The following FAM81A variants were observed in gnomAD, a reference collection of about 807,000 sequenced individuals.
FAM81A encodes the protein family with sequence similarity 81 member A.
A neutral mutation model predicts 46.7 loss-of-function variants in FAM81A; 19 were observed. The ratio of observed to expected loss-of-function variants is 0.41; its 90% CI spans 0.28 to 0.60. The LOEUF (loss-of-function observed/expected upper bound fraction) is 0.60, where lower values mean the gene tolerates loss of function less well. Among genes scored for constraint, FAM81A ranks in the 20% least tolerant of loss-of-function variants. The pLI is 0.34. For missense variants in FAM81A, 377 were observed against 453.5 expected (o/e 0.83, Z 1.53); for synonymous variants, 183 against 152.9 (o/e 1.20, Z -1.45).
At chr15:59,448,444 G>A (rs1333461380) in intron 1 of FAM81A, among the ~76,000 whole-genome samples, 2 of 152,120 alleles carry the variant, frequency 1.3e-5, no homozygotes, top group Admixed American at 1.3e-4. Context: ...AAACTGTGGT[G>A]CCTTGGAGCA....
chr15:59,420,090 C>G (rs1415624079), intron 2 of FAM81A, among the ~76,000 whole-genome samples: 2 of 152,174 alleles, frequency 1.3e-5, no homozygotes, highest in Non-Finnish European at 2.9e-5. Flanking sequence ...CATAGAAAAT[C>G]CATTGCAGGA....
intron 2 of FAM81A, among the ~76,000 whole-genome samples, chr15:59,406,669 C>T (rs1181366265): frequency 6.6e-6 from 1 of 152,142 alleles, no homozygotes; most frequent in African/African-American, 2.4e-5. Flanking sequence ...CACTCCTACC[C>T]CCAGCTCTAG....
chr15:59,481,987 T>G (rs187342246), intron 3 of FAM81A, among the ~76,000 whole-genome samples: 132 of 152,192 alleles, frequency 8.7e-4, no homozygotes, highest in Non-Finnish European at 1.6e-3. Flanking sequence ...TTTAGAGCAT[T>G]TTTTGGTTCA....
intron 4 of FAM81A, among the ~76,000 whole-genome samples, chr15:59,500,479 A>G (rs1176415326): frequency 6.7e-6 from 1 of 149,904 alleles, no homozygotes; most frequent in East Asian, 2.0e-4. Flanking sequence ...TTTTATTTTT[A>G]TTTTTAGAGA....
intron 4 of FAM81A, among the ~76,000 whole-genome samples, 175 bp from the exon 5 acceptor site, chr15:59,507,038 T>C (rs539798864): frequency 6.6e-6 from 1 of 152,370 alleles, no homozygotes; most frequent in South Asian, 2.1e-4. Flanking sequence ...CCCTGTGGTT[T>C]ACCTTAAAAA....
chr15:59,434,597 T>C (rs2081235034), upstream of FAM81A, among the ~76,000 whole-genome samples: 1 of 152,244 alleles, frequency 6.6e-6, no homozygotes, highest in Non-Finnish European at 1.5e-5. Context: ...CACTCTTACA[T>C]CTCTGGGTCT....
intron 2 of FAM81A, among the ~76,000 whole-genome samples, chr15:59,423,110 C>T (rs118001973): frequency 0.029 from 4,468 of 151,896 alleles, 157 homozygotes; most frequent in East Asian, 0.17. Context: ...TTAATTTTTA[C>T]TTTTTAAGAC....
chr15:59,423,433 G>A (rs1196749902), intron 2 of FAM81A, among the ~76,000 whole-genome samples: 1 of 152,162 alleles, frequency 6.6e-6, no homozygotes, highest in Non-Finnish European at 1.5e-5. Context: ...TGATAGAAAA[G>A]GACACTGCAG....
chr15:59,472,274 G>A (rs1361670961), intron 3 of FAM81A, among the ~76,000 whole-genome samples: 2 of 152,062 alleles, frequency 1.3e-5, no homozygotes, highest in Non-Finnish European at 2.9e-5. Context: ...CTCGGAGGTT[G>A]CTGCAGTGAG....
chr15:59,483,992 C>A (rs1161035732), intron 3 of FAM81A, among the ~76,000 whole-genome samples: 1 of 152,180 alleles, frequency 6.6e-6, no homozygotes, highest in Non-Finnish European at 1.5e-5. Flanking sequence ...TGGTACCTCA[C>A]CTGGAGACAG....
chr15:59,411,007 C>A (rs2081118074), intron 2 of FAM81A, among the ~76,000 whole-genome samples: 1 of 152,186 alleles, frequency 6.6e-6, no homozygotes, highest in African/African-American at 2.4e-5. Context: ...GCCTCGGCCT[C>A]CCAAAGTGCT....
chr15:59,487,964 A>C (rs531679503), intron 3 of FAM81A, among the ~76,000 whole-genome samples: 2 of 152,228 alleles, frequency 1.3e-5, no homozygotes, highest in Admixed American at 1.3e-4. Flanking sequence ...ACAACAACAA[A>C]AAAACAAAAA....
intron 5 of FAM81A, among the ~76,000 whole-genome samples, chr15:59,508,640 G>A (rs1380418540): frequency 6.6e-6 from 1 of 152,166 alleles, no homozygotes; most frequent in Non-Finnish European, 1.5e-5. Context: ...AAAATTAAGT[G>A]CTTAGTGCAG....
intron 3 of FAM81A, among the ~76,000 whole-genome samples, chr15:59,466,320 C>T (rs1311882823): frequency 6.6e-6 from 1 of 152,220 alleles, no homozygotes; most frequent in African/African-American, 2.4e-5. Context: ...ACACTCCCAC[C>T]AACAGTGTAA....
At chr15:59,500,102 C>T (rs1360856417) in intron 4 of FAM81A, among the ~76,000 whole-genome samples, 4 of 152,086 alleles carry the variant, frequency 2.6e-5, no homozygotes, top group Admixed American at 2.6e-4. Context: ...ATCTGCCCGC[C>T]TCAGCTTCCC....
Position 59,429,442 on chromosome 15 carries a change from A to G in FAM81A, c.-78+27084A>G, listed in dbSNP as rs528672392. On this transcript the variant is annotated intron_variant, in intron 2 of 4. Transcript: ENST00000558348. Reference sequence around the variant, plus strand: ...GTCCTTCTGTATTGCCTATTAAAAAAATCTGTGTTGAAGATTTTTTAAAGT... The same window carrying G: ...GTCCTTCTGTATTGCCTATTAAAAAGATCTGTGTTGAAGATTTTTTAAAGT... 7.9e-5 allele frequency among the ~76,000 whole-genome samples: 12 copies of G among 152,308 alleles called. No individual in the cohort carries two copies. In the South Asian group the frequency reaches 2.5e-3, roughly 32 times the overall value.
At chr15:59,406,788 C>T (rs1340723500) in intron 2 of FAM81A, among the ~76,000 whole-genome samples, 1 of 151,990 alleles carries the variant, frequency 6.6e-6, no homozygotes, top group East Asian at 1.9e-4. Context: ...GAAGACTGTT[C>T]AGCTCAGTTC....
Position 59,424,987 on chromosome 15 carries a change from T to C in FAM81A, c.-78+22629T>C, listed in dbSNP as rs368042421. On this transcript the variant is annotated intron_variant, in intron 2 of 4. Transcript: ENST00000558348. ...TACAACCAAAACTATTTACTGCAAC[T>C]TTCAAACTTCAACATACATTCTCCT... is the stretch of plus-strand genomic sequence containing the variant. Among the ~76,000 whole-genome samples, 6 of 152,226 alleles carry C rather than the reference T, an allele frequency of 3.9e-5. No homozygotes were observed. In the South Asian group the frequency reaches 1.0e-3, roughly 26 times the overall value.
chr15:59,417,843 A>G (rs1405736101), intron 2 of FAM81A, among the ~76,000 whole-genome samples: 2 of 152,138 alleles, frequency 1.3e-5, no homozygotes, highest in African/African-American at 4.8e-5. Context: ...ACATATGTAT[A>G]CATGTGCCCT....
Sources: allele counts gnomAD v4.1 joint callset (sites outside exome capture counted in the v4.1 genomes callset), GRCh38; gene constraint gnomAD v4.1.1; transcripts MANE v1.5; gene names NCBI Gene and HGNC (gene_info 2026-07-23, HGNC 2026-07-21).